DACH1: variants seen among roughly 807,000 people sequenced by gnomAD.
DACH1 encodes dachshund homolog 1.
DACH1 carries 12 observed loss-of-function variants against 54.2 expected under a neutral mutation model. The observed-to-expected ratio is 0.22, with a 90% CI of 0.14 to 0.36. The LOEUF (loss-of-function observed/expected upper bound fraction) is 0.36, where lower values mean the gene tolerates loss of function less well. Ranked by LOEUF, DACH1 falls within the 10% of genes least tolerant of loss-of-function variation. DACH1 has a pLI of 1.00. For missense variants in DACH1, 805 were observed against 929.8 expected (o/e 0.87, Z 1.75); for synonymous variants, 386 against 366.2 (o/e 1.05, Z -0.62).
rs145318179 is a variant in DACH1 at position 71,487,849 on chromosome 13, C to T, written c.1722+1148G>A. ...ACATAAGAAAAATTCATTAAAAGCA[C>T]TATCTTATAATAAACAATAATATGG... On this transcript the variant is annotated intron_variant, in intron 7 of 10. Coordinates refer to ENST00000613252, the MANE Select transcript of DACH1 (RefSeq NM_080759.6). Among the ~76,000 whole-genome samples, 202 of 152,150 alleles carry T rather than the reference C, an allele frequency of 1.3e-3. 2 individuals are homozygous for T. In the East Asian group the frequency reaches 0.031, roughly 23 times the overall value.
intron 6 of DACH1, among the ~76,000 whole-genome samples, chr13:71,507,675 G>T (rs1880442443): frequency 6.6e-6 from 1 of 152,106 alleles, no homozygotes; most frequent in South Asian, 2.1e-4. Flanking sequence ...TCCATCCTTG[G>T]ACTGACTACC....
chr13:71,557,794 T>C (rs975323297), intron 5 of DACH1, among the ~76,000 whole-genome samples: 4 of 81,516 alleles, frequency 4.9e-5, no homozygotes, highest in African/African-American at 1.9e-4. Context: ...AAAGGAAACA[T>C]AAAAAAATCC....
At chr13:71,494,875 TG>T (rs917227338) in intron 6 of DACH1, among the ~76,000 whole-genome samples, 48 of 152,180 alleles carry the variant, frequency 3.2e-4, no homozygotes, top group African/African-American at 1.1e-3. Flanking sequence ...TTGATGCCTC[TG>T]TAAGACAAAG....
At chr13:71,795,303 T>C (rs1216516377) in intron 1 of DACH1, among the ~76,000 whole-genome samples, 1 of 152,194 alleles carries the variant, frequency 6.6e-6, no homozygotes, top group Non-Finnish European at 1.5e-5. Context: ...AAAATCTCAC[T>C]TCTTAATGCT....
chr13:71,541,324 T>A (rs945765772), intron 6 of DACH1, among the ~76,000 whole-genome samples: 1 of 152,084 alleles, frequency 6.6e-6, no homozygotes, highest in Non-Finnish European at 1.5e-5. Flanking sequence ...TTTCCTGAAA[T>A]GTCTTTTGTA....
chr13:71,804,821 A>G (rs931757615), intron 1 of DACH1, among the ~76,000 whole-genome samples: 1 of 152,138 alleles, frequency 6.6e-6, no homozygotes, highest in African/African-American at 2.4e-5. Context: ...GTCTATCTAA[A>G]ATCTTTTTCA....
chr13:71,586,604 T>C (rs951291526), intron 3 of DACH1, among the ~76,000 whole-genome samples: 5 of 152,172 alleles, frequency 3.3e-5, no homozygotes, highest in Admixed American at 1.3e-4. Context: ...TACTGACCTC[T>C]CAAAAATGAC....
intron 3 of DACH1, among the ~76,000 whole-genome samples, chr13:71,590,224 T>G (rs1478215855): frequency 6.6e-6 from 1 of 152,102 alleles, no homozygotes; most frequent in Non-Finnish European, 1.5e-5. Flanking sequence ...AAAAAATCAT[T>G]AATATAATTA....
chr13:71,773,647 T>C (rs1885948981), intron 1 of DACH1, among the ~76,000 whole-genome samples: 1 of 152,034 alleles, frequency 6.6e-6, no homozygotes, highest in African/African-American at 2.4e-5. Flanking sequence ...TGTCGCACTA[T>C]ATGTTTCGAC....
At chr13:71,630,809 AT>A in intron 2 of DACH1, 92 bp from the exon 3 acceptor site, 1 of 1,365,504 alleles carries the variant, frequency 7.3e-7, no homozygotes, top group Non-Finnish European at 9.6e-7. Context: ...ACAAACATTT[AT>A]TAGAGTATCT....
At chr13:71,821,115 A>G (rs1888168393) in intron 1 of DACH1, among the ~76,000 whole-genome samples, 1 of 152,214 alleles carries the variant, frequency 6.6e-6, no homozygotes, top group African/African-American at 2.4e-5. Context: ...TGATTGAAGT[A>G]TCTGGAATGA....
chr13:71,635,652 T>C (rs2138582716), intron 2 of DACH1, among the ~76,000 whole-genome samples: 1 of 152,296 alleles, frequency 6.6e-6, no homozygotes, highest in Admixed American at 6.5e-5. Flanking sequence ...ACCCTTTTCC[T>C]TCCTTTCTTC....
At chr13:71,772,445 A>C (rs1417656286) in intron 1 of DACH1, among the ~76,000 whole-genome samples, 2 of 151,748 alleles carry the variant, frequency 1.3e-5, no homozygotes, top group Non-Finnish European at 3.0e-5. Context: ...AGACAGGTTT[A>C]GTTTAATCTC....
At chr13:71,544,816 C>A (rs1402463753) in intron 6 of DACH1, among the ~76,000 whole-genome samples, 1 of 152,040 alleles carries the variant, frequency 6.6e-6, no homozygotes, top group African/African-American at 2.4e-5. Context: ...CCTCCAGATT[C>A]ACTGTCCACC....
chr13:71,632,671 T>C (rs1291243685), intron 2 of DACH1, among the ~76,000 whole-genome samples: 1 of 152,084 alleles, frequency 6.6e-6, no homozygotes, highest in Non-Finnish European at 1.5e-5. Flanking sequence ...GAAGAAGACT[T>C]CACCTTTCCT....
intron 10 of DACH1, among the ~76,000 whole-genome samples, chr13:71,466,093 C>T (rs1876540677): frequency 6.6e-6 from 1 of 152,122 alleles, no homozygotes; most frequent in Non-Finnish European, 1.5e-5. Context: ...TTTATACTGA[C>T]CGCAGAGATG....
chr13:71,599,458 C>T (rs988492785), intron 3 of DACH1, among the ~76,000 whole-genome samples: 5 of 152,080 alleles, frequency 3.3e-5, no homozygotes, highest in African/African-American at 9.7e-5. Flanking sequence ...CTGAACAGAA[C>T]CAACAGGCAA....
In DACH1 at chr13:71,866,444, G is replaced by A. The variant is rs1051896039; in HGVS notation, c.326C>T (p.Ala109Val). ...GGGSNCNPNL[A>V]AASNGSGGGG... ...GCCGCCGCTGCCGTTGCTCGCGGCC[G>A]CCAGGTTGGGGTTGCAGTTGCTGCC... Residue 109 changes from alanine (A) to valine (V), a missense_variant, in exon 1 of 11, where the codon GCG (alanine) becomes GTG (valine). Coordinates refer to ENST00000613252, the MANE Select transcript of DACH1 (RefSeq NM_080759.6). The A allele has an allele frequency of 4.3e-6, 6 of 1,404,362 alleles. No individual in the cohort carries two copies. The Admixed American group carries it at 1.1e-4, about 25-fold the overall frequency. The allele number at this position is 1,404,362 out of a possible 1,614,324, so 87.0% of individuals were successfully genotyped here. A position where few individuals can be genotyped will look rare whatever the true frequency, so the allele number is the denominator to read the frequency against.
chr13:71,551,905 AAGCATTGGAGATGTTG>A (rs1258643360), intron 6 of DACH1, among the ~76,000 whole-genome samples: 3 of 151,954 alleles, frequency 2.0e-5, no homozygotes, highest in African/African-American at 7.2e-5. Flanking sequence ...CAAAGATGTT[AAGCATTGGAGATGTTG>A]AGCATTGGAA....
Sources: allele counts gnomAD v4.1 joint callset (sites outside exome capture counted in the v4.1 genomes callset), GRCh38; gene constraint gnomAD v4.1.1; transcripts MANE v1.5; gene names NCBI Gene and HGNC (gene_info 2026-07-23, HGNC 2026-07-21).